Variants in HPSE2 observed in about 807,000 individuals in gnomAD.
HPSE2 encodes inactive heparanase-2.
Under a neutral mutation model 60.5 loss-of-function variants are expected in HPSE2, and 38 were observed. That is an observed-to-expected ratio of 0.63 (90% CI 0.48 to 0.82). The LOEUF is 0.82. Among genes scored for constraint, HPSE2 ranks in the 40% least tolerant of loss-of-function variants. The probability of loss-of-function intolerance (pLI) is 0.00; values close to 1 mark genes in which losing one functional copy is unlikely to be tolerated. For synonymous variants in HPSE2, 295 were observed against 293.2 expected (o/e 1.01, Z -0.06); for missense variants, 713 against 740.4 (o/e 0.96, Z 0.43).
chr10:98,812,180 G>A (rs908767881), intron 3 of HPSE2, among the ~76,000 whole-genome samples: 1 of 152,102 alleles, frequency 6.6e-6, no homozygotes, highest in African/African-American at 2.4e-5. Flanking sequence ...TTCAACCACA[G>A]AACAGTCTTC....
Position 99,188,069 on chromosome 10 carries a change from G to A in HPSE2, c.449-43670C>T, listed in dbSNP as rs546877225. ...TTCTGCAAGGCCAACTACAGGACATGAGCATCCATGGATTTTGATACCCAC... is the reference window on the plus strand; with the variant it reads ...TTCTGCAAGGCCAACTACAGGACATAAGCATCCATGGATTTTGATACCCAC... On this transcript the variant is annotated intron_variant, in intron 2 of 11. Coordinates refer to ENST00000370552, the MANE Select transcript of HPSE2 (RefSeq NM_021828.5). 1.6e-4 allele frequency among the ~76,000 whole-genome samples: 24 copies of A among 152,294 alleles called. No homozygotes were observed. In the East Asian group the frequency reaches 4.1e-3, roughly 26 times the overall value.
At chr10:98,613,341 C>T (rs1213535544) in intron 9 of HPSE2, among the ~76,000 whole-genome samples, 1 of 152,194 alleles carries the variant, frequency 6.6e-6, no homozygotes, top group Non-Finnish European at 1.5e-5. Flanking sequence ...TCTTTTACCC[C>T]TCTCCACCCC....
chr10:99,018,549 T>C (rs1957192548), intron 3 of HPSE2, among the ~76,000 whole-genome samples: 1 of 152,198 alleles, frequency 6.6e-6, no homozygotes, highest in African/African-American at 2.4e-5. Flanking sequence ...TTAATGGTAG[T>C]GTTTAGGCCC....
At chr10:98,852,976 G>A (rs181014462) in intron 3 of HPSE2, among the ~76,000 whole-genome samples, 4 of 152,288 alleles carry the variant, frequency 2.6e-5, no homozygotes, top group Admixed American at 2.6e-4. Flanking sequence ...TGTTTACACA[G>A]CTTTAAGGCC....
intron 9 of HPSE2, among the ~76,000 whole-genome samples, chr10:98,543,193 A>T (rs528024808): frequency 6.6e-6 from 1 of 152,340 alleles, no homozygotes; most frequent in East Asian, 1.9e-4. Flanking sequence ...TAAAGAAAAG[A>T]ATTTTCAATC....
At chr10:98,782,908 G>A (rs1173928976) in intron 3 of HPSE2, among the ~76,000 whole-genome samples, 26 of 11,598 alleles carry the variant, frequency 2.2e-3, no homozygotes, top group South Asian at 4.4e-3. Context: ...TTCCCTGTTT[G>A]TTTATTTTTT....
At chr10:99,271,667 A>C in the HPSE2 span, among the ~76,000 whole-genome samples, 1 of 152,212 alleles carries the variant, frequency 6.6e-6, no homozygotes, top group African/African-American at 2.4e-5. Context: ...TATGGAGCCA[A>C]AAAAGAGACC....
Position 98,693,917 on chromosome 10 carries a change from A to T in HPSE2, c.987T>A (p.Asp329Glu), listed in dbSNP as rs777006523. The T allele has an allele frequency of 6.2e-7, 1 of 1,613,304 alleles. No individual in the cohort carries two copies. The highest frequency in any genetic ancestry group is 2.2e-5 in the East Asian group (1 of 44,864). Residue 329 changes from aspartate (D) to glutamate (E), a missense_variant, in exon 6 of 12, where the codon GAT becomes GAA. By Grantham distance (45) the Asp-to-Glu change is conservative. Coordinates refer to ENST00000370552, the MANE Select transcript of HPSE2 (RefSeq NM_021828.5). ...ATACCTACTGTTGCCAGGTAACTGC[A>T]TCTACTGTACTTCCTGCCACCTTCA... Reference protein sequence around the residue: ...GFMKVAGSTVDAVTWQHCYID... With the variant: ...GFMKVAGSTVEAVTWQHCYID...
At chr10:99,251,220 T>C in the HPSE2 span, among the ~76,000 whole-genome samples, 3 of 152,212 alleles carry the variant, frequency 2.0e-5, no homozygotes, top group Non-Finnish European at 2.9e-5. Flanking sequence ...AATGCTTCTA[T>C]GCCACAAACT....
intron 6 of HPSE2, among the ~76,000 whole-genome samples, chr10:98,658,873 G>A (rs1947148020): frequency 6.7e-6 from 1 of 149,680 alleles, no homozygotes; most frequent in East Asian, 2.0e-4. Context: ...TTACATCGTT[G>A]TGGTTTCTTT....
chr10:98,963,169 C>G (rs920102012), intron 3 of HPSE2, among the ~76,000 whole-genome samples: 1 of 152,152 alleles, frequency 6.6e-6, no homozygotes. Flanking sequence ...TATGTACTTT[C>G]TGACCTTCTA....
chr10:98,930,369 T>C (rs1564665162), intron 3 of HPSE2, among the ~76,000 whole-genome samples: 1 of 144,684 alleles, frequency 6.9e-6, no homozygotes, highest in East Asian at 2.0e-4. Context: ...CCACAGTTTC[T>C]TTATCCAGTC....
rs1423210579 is a variant in HPSE2, at chr10:98,775,293, C to T, written c.611-31237G>A. Among the ~76,000 whole-genome samples, 3 of 152,150 alleles carry T rather than the reference C, an allele frequency of 2.0e-5. 1 individual carries two copies. Among genetic ancestry groups the T allele is most frequent in the South Asian group, 4.1e-4 (2 of 4,828 alleles). Reference sequence around the variant, plus strand: ...TCTCTGGTTGATTTGCATATTGTGCCTCAGCACATTCTGGGATTGAACCAA... The same window carrying T: ...TCTCTGGTTGATTTGCATATTGTGCTTCAGCACATTCTGGGATTGAACCAA... On this transcript the variant is annotated intron_variant, in intron 3 of 11. Coordinates refer to ENST00000370552, the MANE Select transcript of HPSE2 (RefSeq NM_021828.5).
rs1170956763 is a variant in HPSE2, at chr10:98,941,035, C to G, written c.611-196979G>C. 3.6e-4 allele frequency among the ~76,000 whole-genome samples: 48 copies of G among 133,920 alleles called. 3 individuals carry two copies. The highest frequency in any genetic ancestry group is 4.2e-4 in the Non-Finnish European group (28 of 65,940). 87.9% of individuals were successfully genotyped at this position (133,920 alleles called of 152,430 possible). On this transcript the variant is annotated intron_variant, in intron 3 of 11. Coordinates refer to ENST00000370552, the MANE Select transcript of HPSE2 (RefSeq NM_021828.5). ...AAGGCCTTTCACAAAATTCAACAAC[C>G]CTTCATGCTAAAACTCTCAATAAAT...
chr10:99,219,681 TCA>T (rs1317502454), intron 2 of HPSE2, among the ~76,000 whole-genome samples: 4 of 152,338 alleles, frequency 2.6e-5, no homozygotes, highest in South Asian at 2.1e-4. Flanking sequence ...GTCTGTTTTC[TCA>T]GTTATAAAAT....
chr10:99,209,969 T>TA (rs1284539843), intron 2 of HPSE2, among the ~76,000 whole-genome samples: 1 of 152,230 alleles, frequency 6.6e-6, no homozygotes, highest in South Asian at 2.1e-4. Flanking sequence ...ATTACAGGCG[T>TA]AAGCCACTGC....
At chr10:99,099,188 G>A (rs985612768) in intron 3 of HPSE2, among the ~76,000 whole-genome samples, 11 of 152,318 alleles carry the variant, frequency 7.2e-5, no homozygotes, top group South Asian at 2.1e-4. Flanking sequence ...CTGAAGCAGC[G>A]CGAGGCATCG....
intron 3 of HPSE2, among the ~76,000 whole-genome samples, chr10:99,038,002 C>G (rs975587355): frequency 6.6e-6 from 1 of 152,074 alleles, no homozygotes; most frequent in Non-Finnish European, 1.5e-5. Context: ...CACTACATAT[C>G]TATTCCAACA....
chr10:98,855,587 C>T (rs1292724849), intron 3 of HPSE2, among the ~76,000 whole-genome samples: 1 of 152,064 alleles, frequency 6.6e-6, no homozygotes, highest in Non-Finnish European at 1.5e-5. Flanking sequence ...CAGAAAATAC[C>T]TACTTCTCTG....
Sources: allele counts gnomAD v4.1 joint callset (sites outside exome capture counted in the v4.1 genomes callset), GRCh38; gene constraint gnomAD v4.1.1; transcripts MANE v1.5; gene names NCBI Gene and HGNC (gene_info 2026-07-23, HGNC 2026-07-21).